MYH15: variants seen among roughly 807,000 people sequenced by gnomAD.
The protein encoded by MYH15 is myosin-15.
In MYH15, 227 loss-of-function variants were observed where a neutral mutation model predicts 240.5. That is an observed-to-expected ratio of 0.94 (90% CI 0.85 to 1.05). MYH15 has a LOEUF of 1.05. Among genes scored for constraint, MYH15 ranks in the 50% least tolerant of loss-of-function variants. The pLI is 0.00. For missense variants in MYH15, 2,217 were observed against 2,247.5 expected, an observed-to-expected ratio of 0.99 and a Z score of 0.27; for synonymous variants, 785 against 796.7, an observed-to-expected ratio of 0.99 and a Z score of 0.25.
intron 12 of MYH15, among the ~76,000 whole-genome samples, chr3:108,472,717 CAAG>C (rs2083187404): frequency 6.6e-6 from 1 of 152,044 alleles, no homozygotes; most frequent in Admixed American, 6.6e-5. Flanking sequence ...TGGAGAAACA[CAAG>C]AAGAAAGCCT....
the MYH15 span, among the ~76,000 whole-genome samples, chr3:108,545,769 G>A: frequency 7.3e-5 from 11 of 151,464 alleles, no homozygotes; most frequent in African/African-American, 2.4e-4. Flanking sequence ...CAAATAGTTT[G>A]GTTTACTTTT....
At chr3:108,450,650 T>C (rs948540901) in intron 21 of MYH15, among the ~76,000 whole-genome samples, 5 of 152,044 alleles carry the variant, frequency 3.3e-5, no homozygotes, top group Admixed American at 2.6e-4. Context: ...CAGTTAATAA[T>C]ACTGTATTGT....
exon 1 of MYH15, chr3:108,529,297 TA>T: frequency 6.3e-7 from 1 of 1,578,770 alleles, no homozygotes; most frequent in Non-Finnish European, 8.7e-7. Flanking sequence ...TAAATACAAT[TA>T]AAATGATCAT....
At chr3:108,520,952 A>G (rs1000993916) in intron 1 of MYH15, among the ~76,000 whole-genome samples, 1 of 152,150 alleles carries the variant, frequency 6.6e-6, no homozygotes, top group African/African-American at 2.4e-5. Flanking sequence ...CTTGTAAGAT[A>G]GGGTTTATTA....
intron 35 of MYH15, among the ~76,000 whole-genome samples, chr3:108,394,733 G>A (rs1207230563): frequency 1.3e-5 from 2 of 152,168 alleles, no homozygotes; most frequent in African/African-American, 4.8e-5. Flanking sequence ...TTTGTGTTCT[G>A]TGGTTGGTGC....
At chr3:108,448,347 C>T (rs568374674) in intron 21 of MYH15, among the ~76,000 whole-genome samples, 1 of 152,018 alleles carries the variant, frequency 6.6e-6, no homozygotes, top group African/African-American at 2.4e-5. Flanking sequence ...CTATATGCTG[C>T]CAACAGGAGA....
chr3:108,478,812 C>T (rs964585592), intron 11 of MYH15, among the ~76,000 whole-genome samples: 8 of 152,138 alleles, frequency 5.3e-5, no homozygotes, highest in African/African-American at 1.7e-4. Flanking sequence ...CAGTGTTAAG[C>T]ACAGTCCTTT....
chr3:108,394,691 C>A (rs1201225022), intron 35 of MYH15, among the ~76,000 whole-genome samples: 3 of 152,174 alleles, frequency 2.0e-5, no homozygotes. Flanking sequence ...CCTCCTCCAG[C>A]CCTTAGGTAC....
chr3:108,468,584 C>A (rs1291035957), intron 14 of MYH15, among the ~76,000 whole-genome samples: 2 of 152,146 alleles, frequency 1.3e-5, no homozygotes, highest in Non-Finnish European at 2.9e-5. Flanking sequence ...TGTAGAAAAC[C>A]AAAGACTTAT....
upstream of MYH15, among the ~76,000 whole-genome samples, chr3:108,531,732 G>A (rs1306187570): frequency 4.0e-5 from 6 of 151,680 alleles, no homozygotes; most frequent in Admixed American, 1.3e-4. Context: ...AGACGAGATC[G>A]CACCACTGCA....
the MYH15 span, chr3:108,550,991 C>T: frequency 0.21 from 79,056 of 367,898 alleles, 10,276 homozygotes; most frequent in East Asian, 0.41. Flanking sequence ...TTCAAACTAT[C>T]AAATAAAAAA....
chr3:108,486,962 A>G (rs2083310772), intron 9 of MYH15, among the ~76,000 whole-genome samples: 1 of 152,270 alleles, frequency 6.6e-6, no homozygotes, highest in Non-Finnish European at 1.5e-5. Flanking sequence ...GCTACGAAGC[A>G]GCCAGAAGCT....
At chr3:108,500,345 G>T in intron 3 of MYH15, 71 bp from the exon 4 acceptor site, 2 of 1,484,862 alleles carry the variant, frequency 1.3e-6, no homozygotes, top group East Asian at 2.3e-5. Context: ...CTCTTCCAGT[G>T]TCAAGTAATA....
chr3:108,529,081 C>T (rs887805539), intron 1 of MYH15, among the ~76,000 whole-genome samples: 40 of 152,226 alleles, frequency 2.6e-4, no homozygotes, highest in African/African-American at 9.1e-4. Context: ...AAAAGCAGAC[C>T]GGCTACATTT....
At chr3:108,549,854 G>A in the MYH15 span, 2 of 151,658 alleles carry the variant, frequency 1.3e-5, no homozygotes, top group African/African-American at 2.4e-5. Context: ...TTTCTTTAAC[G>A]TTTTGTCTCT....
the MYH15 span, among the ~76,000 whole-genome samples, chr3:108,547,111 G>A: frequency 0.015 from 2,317 of 151,736 alleles, 48 homozygotes; most frequent in Non-Finnish European, 0.017. Flanking sequence ...GAGGTGTAGC[G>A]GTGCAATCAC....
rs745438441 is a variant in MYH15, at chr3:108,410,629, GCTCTC to G, written c.4444_4448del (p.Glu1482HisfsTer20). 1.9e-6 allele frequency: 3 copies of G among 1,608,860 alleles called. No individual in the cohort carries two copies. The highest frequency in any genetic ancestry group is 2.6e-6 in the Non-Finnish European group (3 of 1,175,704). The stretch of plus-strand genomic sequence containing the variant: ...TCCTGAGTGTCTCCTGGCCCACGAT[GCTCTC>G]CTCATAGGTGTTCTTGAGCTTGAGG... On this transcript the variant is annotated frameshift_variant, in exon 31 of 41. Coordinates refer to ENST00000693548, the MANE Select transcript of MYH15 (RefSeq NM_014981.3). LOFTEE classifies it high-confidence loss of function.
intron 37 of MYH15, among the ~76,000 whole-genome samples, chr3:108,390,152 TG>T (rs200619202): frequency 0.013 from 1,913 of 151,970 alleles, 33 homozygotes; most frequent in African/African-American, 0.038. Flanking sequence ...TTAAGAATTT[TG>T]GGGGGGGATT....
At chr3:108,428,445 C>A in intron 27 of MYH15, 47 bp downstream of exon 27, 3 of 1,549,730 alleles carry the variant, frequency 1.9e-6, no homozygotes, top group South Asian at 1.3e-5. Flanking sequence ...CTTCCCCTCC[C>A]TACTTCCATG....
Sources: allele counts gnomAD v4.1 joint callset (sites outside exome capture counted in the v4.1 genomes callset), GRCh38; gene constraint gnomAD v4.1.1; transcripts MANE v1.5; gene names NCBI Gene and HGNC (gene_info 2026-07-23, HGNC 2026-07-21).